Variants in PLEKHA5 observed in about 807,000 individuals in gnomAD.
PLEKHA5 encodes pleckstrin homology domain-containing family A member 5.
Under a neutral mutation model 181.9 loss-of-function variants are expected in PLEKHA5, and 55 were observed. That is an observed-to-expected ratio of 0.30 (90% CI 0.24 to 0.38). The LOEUF is 0.38. PLEKHA5 is among the 10% of genes least tolerant of loss of function. PLEKHA5 has a pLI of 1.00. For missense variants in PLEKHA5, 1,432 were observed against 1,549.5 expected (o/e 0.92, Z 1.27); for synonymous variants, 535 against 529.4 (o/e 1.01, Z -0.15).
At chr12:19,324,021 G>T (rs2091534816) in intron 20 of PLEKHA5, among the ~76,000 whole-genome samples, 1 of 152,120 alleles carries the variant, frequency 6.6e-6, no homozygotes, top group South Asian at 2.1e-4. Context: ...AGTCTAAGCA[G>T]CTCTTTGAAA....
chr12:19,346,445 G>C (rs1359131421), intron 23 of PLEKHA5, among the ~76,000 whole-genome samples: 1 of 151,836 alleles, frequency 6.6e-6, no homozygotes, highest in Non-Finnish European at 1.5e-5. Flanking sequence ...TTTGAGACCA[G>C]CCTGGTAAAC....
At chr12:19,339,539 A>T (rs2093700438) in intron 21 of PLEKHA5, among the ~76,000 whole-genome samples, 2 of 152,196 alleles carry the variant, frequency 1.3e-5, no homozygotes, top group Non-Finnish European at 2.9e-5. Context: ...ATATTCATGG[A>T]TGGTCTGATT....
chr12:19,266,352 G>T (rs1318810345), intron 8 of PLEKHA5, among the ~76,000 whole-genome samples: 1 of 151,800 alleles, frequency 6.6e-6, no homozygotes, highest in Non-Finnish European at 1.5e-5. Flanking sequence ...TACTAGCCGG[G>T]CATGGTGGCT....
chr12:19,200,323 A>T (rs2053919868), intron 3 of PLEKHA5: 12 of 1,528,222 alleles, frequency 7.9e-6, no homozygotes, highest in Non-Finnish European at 1.1e-5. Flanking sequence ...TTATCCTTCC[A>T]GCTGAATAGA....
At chr12:19,347,727 C>A (rs1214026251) in intron 24 of PLEKHA5, among the ~76,000 whole-genome samples, 1 of 152,032 alleles carries the variant, frequency 6.6e-6, no homozygotes. Context: ...AATTTGAGAA[C>A]AACAAAATGT....
intron 29 of PLEKHA5, among the ~76,000 whole-genome samples, chr12:19,362,300 A>G (rs1460715703): frequency 6.6e-6 from 1 of 152,018 alleles, no homozygotes; most frequent in Non-Finnish European, 1.5e-5. Context: ...TTGGGAGGCC[A>G]ACGGGGGCAG....
intron 3 of PLEKHA5, chr12:19,201,947 T>C: frequency 1.8e-6 from 1 of 555,790 alleles, no homozygotes; most frequent in Non-Finnish European, 2.3e-6. Flanking sequence ...CATAGGTGGG[T>C]TTAATGAAAT....
At chr12:19,299,371 C>T (rs28459883) in intron 15 of PLEKHA5, among the ~76,000 whole-genome samples, 1 of 152,180 alleles carries the variant, frequency 6.6e-6, no homozygotes, top group African/African-American at 2.4e-5. Flanking sequence ...TACCATAACA[C>T]CTTATGTATA....
chr12:19,290,682 G>A lies in PLEKHA5; in HGVS notation c.1869G>A (p.Glu623=). The A allele has an allele frequency of 5.9e-6, 9 of 1,534,134 alleles. No homozygotes were observed. Among genetic ancestry groups the A allele is most frequent in the Non-Finnish European group, 7.9e-6 (9 of 1,145,490 alleles). The stretch of plus-strand genomic sequence containing the variant: ...CTTAAATTGTACTCCTTCAGCCAGA[G>A]GAGCTTACGCTGCTGCTAATAAAGC... ...SPQSLQGKTP[E]ELTLLLIKLR... The change falls in exon 14 of 32, where the codon GAG becomes GAA. Residue 623 remains glutamate, a synonymous_variant. Transcript: ENST00000429027.
At chr12:19,219,385 T>C (rs1156383173) in intron 3 of PLEKHA5, among the ~76,000 whole-genome samples, 2 of 152,166 alleles carry the variant, frequency 1.3e-5, no homozygotes, top group African/African-American at 4.8e-5. Flanking sequence ...TTTAATCTTG[T>C]AGGACTGTAT....
chr12:19,267,109 A>C (rs1206101918), intron 8 of PLEKHA5, among the ~76,000 whole-genome samples: 1 of 152,148 alleles, frequency 6.6e-6, no homozygotes, highest in Non-Finnish European at 1.5e-5. Flanking sequence ...GTTTTCAAAA[A>C]TCATTCTGCA....
intron 8 of PLEKHA5, among the ~76,000 whole-genome samples, chr12:19,266,453 C>T (rs1422306554): frequency 1.3e-5 from 2 of 151,740 alleles, no homozygotes; most frequent in Admixed American, 6.6e-5. Flanking sequence ...CACTGCAGTC[C>T]GGCCTGGGCA....
chr12:19,297,494 C>T (rs543068891), intron 15 of PLEKHA5, among the ~76,000 whole-genome samples: 2 of 150,906 alleles, frequency 1.3e-5, no homozygotes, highest in African/African-American at 2.4e-5. Context: ...CGGTGGCGGG[C>T]GCCTGTAGTC....
chr12:19,335,036 T>TC (rs1436238117), intron 20 of PLEKHA5, among the ~76,000 whole-genome samples: 1 of 141,512 alleles, frequency 7.1e-6, no homozygotes, highest in Non-Finnish European at 1.5e-5. Context: ...TTTTGTTTTT[T>TC]TTTTTTTCTT....
intron 12 of PLEKHA5, among the ~76,000 whole-genome samples, chr12:19,284,295 CT>C (rs2076776914): frequency 6.6e-6 from 1 of 152,120 alleles, no homozygotes; most frequent in Admixed American, 6.5e-5. Context: ...TCTTGAACTC[CT>C]GATCTCAAGT....
At chr12:19,320,803 C>T in intron 18 of PLEKHA5, 179 bp downstream of exon 18, 4 of 389,452 alleles carry the variant, frequency 1.0e-5, no homozygotes, top group Non-Finnish European at 1.9e-5. Flanking sequence ...TCCCACTGCT[C>T]CCTATTGTTA....
At chr12:19,345,698 G>A (rs890910784) in intron 22 of PLEKHA5, 144 bp from the exon 23 acceptor site, 4 of 423,858 alleles carry the variant, frequency 9.4e-6, no homozygotes, top group Non-Finnish European at 1.7e-5. Context: ...AGGAGGCGGA[G>A]GTTGCAGTGA....
chr12:19,359,520 C>A lies in PLEKHA5; in HGVS notation c.3457C>A (p.Pro1153Thr). The stretch of plus-strand genomic sequence containing the variant: ...AATTGTTCAACTAAAAGAAACCGAA[C>A]CCCAAAATGTGGACTTCAGCAAAGA... ...TEIVQLKETE[P>T]QNVDFSKELK... The change falls in exon 28 of 32, where the codon CCC (proline) becomes ACC (threonine). Residue 1153 changes from proline (P) to threonine (T), a missense_variant. This residue lies in a region of PLEKHA5 where 1,143 missense variants were observed against 1,168.4 expected (regional missense o/e 0.98). Transcript: ENST00000429027. 1 of 1,613,846 alleles carries A rather than the reference C, an allele frequency of 6.2e-7. No individual in the cohort carries two copies. Among genetic ancestry groups the A allele is most frequent in the Non-Finnish European group, 8.5e-7 (1 of 1,179,862 alleles).
chr12:19,145,268 A>G (rs991067262), intron 3 of PLEKHA5, among the ~76,000 whole-genome samples: 5 of 152,108 alleles, frequency 3.3e-5, no homozygotes, highest in Admixed American at 6.6e-5. Context: ...TATGATCGTT[A>G]GTAGTTATTA....
Sources: allele counts gnomAD v4.1 joint callset (sites outside exome capture counted in the v4.1 genomes callset), GRCh38; gene constraint gnomAD v4.1.1; regional missense constraint gnomAD v4.1.1; transcripts MANE v1.5; gene names NCBI Gene and HGNC (gene_info 2026-07-23, HGNC 2026-07-21).